GRM5: variants seen among roughly 807,000 people sequenced by gnomAD.
The protein encoded by GRM5 is metabotropic glutamate receptor 5.
In GRM5, 19 loss-of-function variants were observed where a neutral mutation model predicts 83.1. The ratio of observed to expected loss-of-function variants is 0.23; its 90% CI spans 0.16 to 0.34. The LOEUF is 0.34. GRM5 is among the 10% of genes least tolerant of loss of function. The pLI is 1.00. For synonymous variants in GRM5, 675 were observed against 633.6 expected, an observed-to-expected ratio of 1.07 and a Z score of -0.98; for missense variants, 1,160 against 1,588.3, an observed-to-expected ratio of 0.73 and a Z score of 4.58.
intron 2 of GRM5, among the ~76,000 whole-genome samples, chr11:88,939,600 T>C (rs1938017359): frequency 6.6e-6 from 1 of 151,838 alleles, no homozygotes; most frequent in South Asian, 2.1e-4. Flanking sequence ...CTAAACCAAG[T>C]AGCTCACATT....
At chr11:88,748,153 C>T (rs866164623) in intron 3 of GRM5, among the ~76,000 whole-genome samples, 1 of 152,068 alleles carries the variant, frequency 6.6e-6, no homozygotes, top group Non-Finnish European at 1.5e-5. Flanking sequence ...TCAAAATATC[C>T]CCTATGAGGT....
intron 3 of GRM5, among the ~76,000 whole-genome samples, chr11:88,699,213 G>A (rs1233835528): frequency 1.3e-5 from 2 of 152,158 alleles, no homozygotes; most frequent in African/African-American, 4.8e-5. Context: ...TGGGTCAGCT[G>A]TGAAAGTGAC....
At chr11:88,956,829 G>A (rs1172786562) in intron 2 of GRM5, among the ~76,000 whole-genome samples, 7 of 152,026 alleles carry the variant, frequency 4.6e-5, no homozygotes, top group Non-Finnish European at 8.8e-5. Context: ...AAAGAAAAGC[G>A]TCGGTACAAT....
chr11:88,697,148 T>A (rs1342265225), intron 3 of GRM5, among the ~76,000 whole-genome samples: 1 of 152,250 alleles, frequency 6.6e-6, no homozygotes, highest in African/African-American at 2.4e-5. Context: ...AATTAGATTC[T>A]AAGTCAGCAA....
chr11:88,969,251 T>C lies in GRM5; in HGVS notation c.661+77961A>G, dbSNP rs1034037609. On this transcript the variant is annotated intron_variant, in intron 2 of 9. Transcript: ENST00000305447. The stretch of plus-strand genomic sequence containing the variant: ...TTTTTTCTGTCACTGATTATATATA[T>C]ATGTATATATTTACTTGCTGGAAAA... 6.8e-4 allele frequency among the ~76,000 whole-genome samples: 104 copies of C among 152,086 alleles called. 1 individual carries two copies. The highest frequency in any genetic ancestry group is 2.4e-3 in the African/African-American group (101 of 41,420).
intron 3 of GRM5, among the ~76,000 whole-genome samples, chr11:88,814,757 C>G (rs1049826631): frequency 6.6e-6 from 1 of 151,896 alleles, no homozygotes; most frequent in Non-Finnish European, 1.5e-5. Flanking sequence ...TTTAAACAAG[C>G]TATCAGGCAT....
chr11:88,526,592 A>C (rs1484630511), intron 8 of GRM5, among the ~76,000 whole-genome samples: 1 of 152,132 alleles, frequency 6.6e-6, no homozygotes. Context: ...GAGTTACTAT[A>C]ATAAGACTTG....
At chr11:88,807,766 G>T (rs945412906) in intron 3 of GRM5, among the ~76,000 whole-genome samples, 6 of 151,802 alleles carry the variant, frequency 4.0e-5, no homozygotes, top group Non-Finnish European at 8.8e-5. Flanking sequence ...TTTTTTTTAG[G>T]CATCTGAAAT....
At chr11:88,775,930 G>A (rs570746827) in intron 3 of GRM5, among the ~76,000 whole-genome samples, 1 of 152,324 alleles carries the variant, frequency 6.6e-6, no homozygotes, top group Admixed American at 6.5e-5. Context: ...ATTTCGGGTA[G>A]AGAGTTCTGT....
chr11:88,997,050 T>C (rs1388667642), intron 2 of GRM5, among the ~76,000 whole-genome samples: 5 of 151,960 alleles, frequency 3.3e-5, no homozygotes, highest in Non-Finnish European at 5.9e-5. Context: ...TCTGGATGGG[T>C]GCAGTGGCTC....
chr11:88,806,125 A>G (rs1943495808), intron 3 of GRM5, among the ~76,000 whole-genome samples: 1 of 152,196 alleles, frequency 6.6e-6, no homozygotes, highest in African/African-American at 2.4e-5. Context: ...ATGTAAAGAA[A>G]AAACTTTGTG....
chr11:88,623,082 T>C (rs1016963046), intron 4 of GRM5, among the ~76,000 whole-genome samples: 1 of 151,952 alleles, frequency 6.6e-6, no homozygotes, highest in African/African-American at 2.4e-5. Flanking sequence ...AGATCACTTA[T>C]TTTTTATTTT....
At chr11:88,660,504 G>T (rs1352492472) in intron 3 of GRM5, among the ~76,000 whole-genome samples, 1 of 152,118 alleles carries the variant, frequency 6.6e-6, no homozygotes. Flanking sequence ...ACCTGCCATA[G>T]GCAAACAACA....
intron 2 of GRM5, among the ~76,000 whole-genome samples, chr11:88,855,039 A>G: frequency 6.6e-6 from 1 of 151,884 alleles, no homozygotes; most frequent in East Asian, 1.9e-4. Flanking sequence ...TTCTGGCAAA[A>G]TAGCCATTAA....
rs1012244524 is a variant in GRM5, at chr11:88,744,842, G to T, written c.912-91439C>A. ...ACCATTTAAAAAGTGAAAACATTTG[G>T]CAAACACTGAGTTTAAGGTTGAGGT... On this transcript the variant is annotated intron_variant, in intron 3 of 9. Transcript: ENST00000305447. 2.0e-5 allele frequency among the ~76,000 whole-genome samples: 3 copies of T among 152,054 alleles called. 1 individual carries two copies. The highest frequency in any genetic ancestry group is 7.2e-5 in the African/African-American group (3 of 41,414).
intron 3 of GRM5, among the ~76,000 whole-genome samples, chr11:88,848,233 T>C (rs541810230): frequency 3.7e-4 from 57 of 152,274 alleles, no homozygotes; most frequent in African/African-American, 1.3e-3. Context: ...TTTGACAAAA[T>C]ATATGACATT....
chr11:88,665,161 T>TCACACACACACACA (rs1554990138), intron 3 of GRM5, among the ~76,000 whole-genome samples: 1 of 38,110 alleles, frequency 2.6e-5, no homozygotes. Flanking sequence ...TTTAATTTAT[T>TCACACACACACACA]TACACACACA....
intron 2 of GRM5, among the ~76,000 whole-genome samples, chr11:89,031,033 A>T (rs1360818212): frequency 6.6e-6 from 1 of 152,040 alleles, no homozygotes; most frequent in Non-Finnish European, 1.5e-5. Flanking sequence ...GATTTACCTT[A>T]GAGTTGAGGT....
At chr11:88,562,147 A>T (rs2135163536) in intron 8 of GRM5, among the ~76,000 whole-genome samples, 1 of 152,264 alleles carries the variant, frequency 6.6e-6, no homozygotes, top group East Asian at 1.9e-4. Flanking sequence ...ATGTTTGCAA[A>T]ATGATAGAAA....
Sources: gnomAD v4.1 joint callset for allele counts (sites outside exome capture counted in the v4.1 genomes callset) on GRCh38, gnomAD v4.1.1 for gene constraint, MANE v1.5 for transcripts, NCBI Gene and HGNC (gene_info 2026-07-23, HGNC 2026-07-21) for gene names.